CDC42SE2: variants seen among roughly 807,000 people sequenced by gnomAD.
CDC42SE2 encodes CDC42 small effector 2.
In CDC42SE2, 3 loss-of-function variants were observed where a neutral mutation model predicts 11.5. The observed-to-expected ratio is 0.26, with a 90% confidence interval of 0.12 to 0.67. The LOEUF (loss-of-function observed/expected upper bound fraction) is 0.67. CDC42SE2 is among the 30% of genes least tolerant of loss of function. The probability of loss-of-function intolerance (pLI) is 0.80; values close to 1 mark genes in which losing one functional copy is unlikely to be tolerated. For synonymous variants in CDC42SE2, 33 were observed against 34.8 expected (o/e 0.95, Z 0.18); for missense variants, 82 against 106.8 (o/e 0.77, Z 1.02).
rs545624198 is a variant in CDC42SE2 at position 131,309,162 on chromosome 5, T to C, written c.-454-6814T>C. On this transcript the variant is annotated intron_variant, in intron 1 of 4. Coordinates refer to ENST00000505065, the MANE Select transcript of CDC42SE2 (RefSeq NM_001375635.1). ...TGAGAGTTTTTAGCAAGAAGTGTTATTGAATTTTGTCAAAGGCCTTTTCTG... is the reference window on the plus strand; with the variant it reads ...TGAGAGTTTTTAGCAAGAAGTGTTACTGAATTTTGTCAAAGGCCTTTTCTG... 9.8e-5 allele frequency among the ~76,000 whole-genome samples: 15 copies of C among 152,364 alleles called. No homozygotes were observed. The South Asian group carries it at 1.4e-3, about 15-fold the overall frequency.
chr5:131,238,218 C>T, the CDC42SE2 span, among the ~76,000 whole-genome samples: 2 of 151,762 alleles, frequency 1.3e-5, no homozygotes, highest in South Asian at 2.1e-4. Flanking sequence ...ATGACGGGGG[C>T]GGGGCACCGT....
At chr5:131,248,136 TA>T (rs200604812) in intron 1 of CDC42SE2, among the ~76,000 whole-genome samples, 2,500 of 151,380 alleles carry the variant, frequency 0.017, 70 homozygotes, top group African/African-American at 0.057. Context: ...TCCTTTTTTT[TA>T]TTTTTTTATT....
chr5:131,366,251 G>A (rs1227481753), intron 3 of CDC42SE2, among the ~76,000 whole-genome samples: 3 of 152,108 alleles, frequency 2.0e-5, no homozygotes, highest in Non-Finnish European at 4.4e-5. Context: ...GTTTGAATTT[G>A]TCTATATGTA....
At chr5:131,297,939 T>A (rs1757605661) in intron 1 of CDC42SE2, among the ~76,000 whole-genome samples, 1 of 152,026 alleles carries the variant, frequency 6.6e-6, no homozygotes, top group Admixed American at 6.6e-5. Flanking sequence ...CATTTTTTTC[T>A]TTAAAAAGTT....
the CDC42SE2 span, among the ~76,000 whole-genome samples, chr5:131,222,533 G>T: frequency 6.6e-6 from 1 of 152,312 alleles, no homozygotes; most frequent in East Asian, 1.9e-4. Context: ...TTGAACCAAA[G>T]AAACTAAGAC....
chr5:131,246,666 C>T (rs1475186669), intron 1 of CDC42SE2, among the ~76,000 whole-genome samples: 7 of 151,608 alleles, frequency 4.6e-5, no homozygotes, highest in Non-Finnish European at 1.0e-4. Context: ...GGTTCTTTTT[C>T]AGGGTGGGTG....
chr5:131,223,479 G>T, the CDC42SE2 span, among the ~76,000 whole-genome samples: 1 of 151,984 alleles, frequency 6.6e-6, no homozygotes, highest in Non-Finnish European at 1.5e-5. Flanking sequence ...CAAAAAATGC[G>T]ATTTTCTACA....
intron 2 of CDC42SE2, among the ~76,000 whole-genome samples, chr5:131,331,944 C>G (rs182804346): frequency 8.2e-4 from 125 of 152,258 alleles, no homozygotes; most frequent in Admixed American, 3.0e-3. Flanking sequence ...CAGGGTTATA[C>G]AAAAACCTTG....
chr5:131,334,184 A>G (rs1758496406), intron 2 of CDC42SE2, among the ~76,000 whole-genome samples: 1 of 152,142 alleles, frequency 6.6e-6, no homozygotes, highest in Non-Finnish European at 1.5e-5. Context: ...GGGTTGTTGA[A>G]TTTTGTCAAA....
intron 3 of CDC42SE2, among the ~76,000 whole-genome samples, chr5:131,368,140 C>CTA (rs544053567): frequency 2.6e-4 from 40 of 151,508 alleles, no homozygotes; most frequent in African/African-American, 9.4e-4. Context: ...GTGGTCCCAG[C>CTA]TACTCAGGAG....
At chr5:131,307,146 A>T (rs1354226291) in intron 1 of CDC42SE2, among the ~76,000 whole-genome samples, 2 of 151,656 alleles carry the variant, frequency 1.3e-5, no homozygotes, top group Non-Finnish European at 2.9e-5. Context: ...TACATGTGCC[A>T]TGCTGGTATG....
At chr5:131,368,885 A>C (rs1177424663) in intron 3 of CDC42SE2, among the ~76,000 whole-genome samples, 1 of 152,218 alleles carries the variant, frequency 6.6e-6, no homozygotes, top group East Asian at 1.9e-4. Flanking sequence ...TTATAATACC[A>C]AAAATTAATA....
intron 1 of CDC42SE2, among the ~76,000 whole-genome samples, chr5:131,272,521 A>G (rs149361696): frequency 6.6e-6 from 1 of 151,834 alleles, no homozygotes; most frequent in Non-Finnish European, 1.5e-5. Flanking sequence ...TGCCTTTCCT[A>G]CTATTCTGTC....
intron 1 of CDC42SE2, among the ~76,000 whole-genome samples, chr5:131,290,472 CTTT>C (rs1310572639): frequency 7.9e-6 from 1 of 126,854 alleles, no homozygotes; most frequent in Non-Finnish European, 1.7e-5. Flanking sequence ...TTTTTTCTTT[CTTT>C]TTTTTTTTTT....
chr5:131,324,145 ATTTATTCTT>A (rs891502785), intron 2 of CDC42SE2, among the ~76,000 whole-genome samples: 98 of 152,280 alleles, frequency 6.4e-4, no homozygotes, highest in African/African-American at 2.3e-3. Context: ...TCTTCCAAGT[ATTTATTCTT>A]TAGAAGTATT....
At chr5:131,255,823 T>C (rs978091740) in intron 2 of CDC42SE2, among the ~76,000 whole-genome samples, 1 of 152,212 alleles carries the variant, frequency 6.6e-6, no homozygotes, top group Non-Finnish European at 1.5e-5. Flanking sequence ...AGGCAACTTA[T>C]TGATAGTCTA....
At chr5:131,324,134 T>C (rs181039060) in intron 2 of CDC42SE2, among the ~76,000 whole-genome samples, 1 of 152,370 alleles carries the variant, frequency 6.6e-6, no homozygotes, top group East Asian at 1.9e-4. Flanking sequence ...TACCTATTTT[T>C]TCTTCCAAGT....
In CDC42SE2 at chr5:131,264,542, G is replaced by T. The variant is rs1296066352; in HGVS notation, c.-455+376G>T. Among the ~76,000 whole-genome samples the T allele has an allele frequency of 4.0e-5, 6 of 151,654 alleles. No homozygotes were observed. In the East Asian group the frequency reaches 1.2e-3, roughly 30 times the overall value. ...CGTCTGGAAGTCGGGAGGGTGGTGC[G>T]AGGGGCGGGCGGGGAGGGCCCGGGG... On this transcript the variant is annotated intron_variant, in intron 1 of 4. Coordinates refer to ENST00000505065, the MANE Select transcript of CDC42SE2 (RefSeq NM_001375635.1).
intron 1 of CDC42SE2, among the ~76,000 whole-genome samples, chr5:131,313,981 C>T (rs904434378): frequency 1.7e-4 from 26 of 152,112 alleles, no homozygotes; most frequent in Non-Finnish European, 3.7e-4. Context: ...GTGTGCACCA[C>T]CATGCCCGAC....
Sources: allele counts gnomAD v4.1 joint callset (sites outside exome capture counted in the v4.1 genomes callset), GRCh38; gene constraint gnomAD v4.1.1; transcripts MANE v1.5; gene names NCBI Gene and HGNC (gene_info 2026-07-23, HGNC 2026-07-21).